Variants in XPR1 observed in about 807,000 individuals in gnomAD.
The protein encoded by XPR1 is xenotropic and polytropic retrovirus receptor 1, also known as solute carrier family 53 member 1.
In XPR1, 28 loss-of-function variants were observed where a neutral mutation model predicts 87.5. The ratio of observed to expected loss-of-function variants is 0.32; its 90% CI spans 0.24 to 0.44. The LOEUF (loss-of-function observed/expected upper bound fraction) is 0.44, where lower values mean the gene tolerates loss of function less well. Ranked by LOEUF, XPR1 falls within the 20% of genes least tolerant of loss-of-function variation. XPR1 has a pLI of 1.00. For synonymous variants in XPR1, 300 were observed against 306.1 expected (o/e 0.98, Z 0.21); for missense variants, 559 against 862.3 (o/e 0.65, Z 4.41).
intron 1 of XPR1, among the ~76,000 whole-genome samples, chr1:180,673,221 C>G (rs6662212): frequency 5.1e-4 from 77 of 152,020 alleles, no homozygotes; most frequent in African/African-American, 1.7e-3. Context: ...TAAAAATGAA[C>G]AACATGAGAA....
intron 12 of XPR1, among the ~76,000 whole-genome samples, chr1:180,866,049 AAAATG>A (rs771575124): frequency 3.9e-5 from 6 of 151,956 alleles, no homozygotes; most frequent in Non-Finnish European, 5.9e-5. Flanking sequence ...CTACTAAAAT[AAAATG>A]AAATAAAAAT....
intron 3 of XPR1, among the ~76,000 whole-genome samples, chr1:180,789,442 C>T (rs1353441599): frequency 6.6e-6 from 1 of 152,122 alleles, no homozygotes; most frequent in African/African-American, 2.4e-5. Context: ...ATGACCATGT[C>T]TCCTAGCCTT....
chr1:180,876,291 AAAGGGTAATAC>A (rs1201042031), intron 13 of XPR1, among the ~76,000 whole-genome samples: 1 of 152,216 alleles, frequency 6.6e-6, no homozygotes, highest in African/African-American at 2.4e-5. Context: ...CAATATATAA[AAAGGGTAATAC>A]AAGTTAGGTT....
chr1:180,853,458 A>G (rs968462267), intron 11 of XPR1, among the ~76,000 whole-genome samples: 66 of 152,212 alleles, frequency 4.3e-4, no homozygotes, highest in African/African-American at 1.6e-3. Flanking sequence ...CATTTTTATC[A>G]TAGCTGCTGT....
intron 11 of XPR1, among the ~76,000 whole-genome samples, chr1:180,858,898 C>A (rs761017335): frequency 2.0e-5 from 3 of 152,098 alleles, no homozygotes; most frequent in Non-Finnish European, 4.4e-5. Flanking sequence ...TTTTGGAGGA[C>A]AGTATTAATC....
At chr1:180,692,886 G>A (rs1338462128) in intron 2 of XPR1, among the ~76,000 whole-genome samples, 2 of 152,048 alleles carry the variant, frequency 1.3e-5, no homozygotes, top group Admixed American at 6.6e-5. Context: ...TTATAAACAC[G>A]GGTTTATAAT....
intron 1 of XPR1, among the ~76,000 whole-genome samples, chr1:180,656,449 T>TTATACATTA (rs1655492092): frequency 1.6e-4 from 3 of 18,718 alleles, no homozygotes; most frequent in Admixed American, 1.7e-3. Flanking sequence ...ATATAAATAT[T>TTATACATTA]TATATATTTA....
chr1:180,704,152 A>C (rs758573166), intron 2 of XPR1, among the ~76,000 whole-genome samples: 26 of 148,644 alleles, frequency 1.7e-4, no homozygotes, highest in Non-Finnish European at 7.4e-5. Flanking sequence ...CTCTTTATTT[A>C]CAGTAAATTT....
chr1:180,710,802 C>A (rs954856607), intron 2 of XPR1, among the ~76,000 whole-genome samples: 1 of 148,166 alleles, frequency 6.7e-6, no homozygotes, highest in Non-Finnish European at 1.5e-5. Flanking sequence ...CCCCACCTCC[C>A]GGATGGGGCG....
At chr1:180,826,879 T>A (rs1488345149) in intron 9 of XPR1, among the ~76,000 whole-genome samples, 2 of 151,808 alleles carry the variant, frequency 1.3e-5, no homozygotes, top group African/African-American at 4.8e-5. Flanking sequence ...TAGAACCAGG[T>A]GCAGTGGCTC....
intron 11 of XPR1, among the ~76,000 whole-genome samples, chr1:180,843,597 G>T: frequency 6.6e-6 from 1 of 150,938 alleles, no homozygotes; most frequent in African/African-American, 2.4e-5. Context: ...TTTTTAAATG[G>T]TTTTATAATT....
At chr1:180,786,689 A>G (rs1288649732) in intron 2 of XPR1, among the ~76,000 whole-genome samples, 2 of 152,180 alleles carry the variant, frequency 1.3e-5, no homozygotes, top group Non-Finnish European at 1.5e-5. Flanking sequence ...TTTTTAAAAT[A>G]TCTGGATTTA....
rs929374309 is a variant in XPR1, at chr1:180,853,791, G to T, written c.1502-9917G>T. Among the ~76,000 whole-genome samples the T allele has an allele frequency of 5.9e-4, 65 of 109,384 alleles. 1 individual carries two copies. Among genetic ancestry groups the T allele is most frequent in the Non-Finnish European group, 5.3e-4 (29 of 54,834 alleles). The allele number at this position is 109,384 out of a possible 152,430, so 71.8% of individuals were successfully genotyped here. ...GCACAAATAATAGTGCATTCATGTGGTTTTTTTTTTTTTTTTTTTGTATTT... is the reference window on the plus strand; with the variant it reads ...GCACAAATAATAGTGCATTCATGTGTTTTTTTTTTTTTTTTTTTTGTATTT... On this transcript the variant is annotated intron_variant, in intron 11 of 14. Coordinates refer to ENST00000367590, the MANE Select transcript of XPR1 (RefSeq NM_004736.4).
chr1:180,729,126 A>T (rs960310092), intron 2 of XPR1, among the ~76,000 whole-genome samples: 19 of 152,316 alleles, frequency 1.2e-4, no homozygotes, highest in Admixed American at 5.2e-4. Context: ...TTTGCTTAGG[A>T]TAATGGCCTC....
At chr1:180,756,299 G>A (rs567219945) in intron 2 of XPR1, among the ~76,000 whole-genome samples, 1 of 152,190 alleles carries the variant, frequency 6.6e-6, no homozygotes, top group African/African-American at 2.4e-5. Context: ...TGCCACACTT[G>A]TCATTTTCTA....
intron 2 of XPR1, among the ~76,000 whole-genome samples, chr1:180,687,346 A>T (rs1656819365): frequency 6.6e-6 from 1 of 152,178 alleles, no homozygotes; most frequent in Non-Finnish European, 1.5e-5. Flanking sequence ...AAATATTTAT[A>T]GTTAAGAGCC....
At chr1:180,738,956 A>G (rs988353367) in intron 2 of XPR1, among the ~76,000 whole-genome samples, 31 of 151,954 alleles carry the variant, frequency 2.0e-4, no homozygotes, top group African/African-American at 5.6e-4. Flanking sequence ...TGTCTAACCT[A>G]TGGTCACAAA....
intron 11 of XPR1, among the ~76,000 whole-genome samples, chr1:180,840,684 A>T (rs1651478094): frequency 6.6e-6 from 1 of 151,058 alleles, no homozygotes; most frequent in African/African-American, 2.4e-5. Flanking sequence ...TATCTTAATC[A>T]TATTGCTAAA....
At chr1:180,855,679 T>G (rs912963654) in intron 11 of XPR1, among the ~76,000 whole-genome samples, 118 of 140,838 alleles carry the variant, frequency 8.4e-4, no homozygotes, top group Middle Eastern at 3.7e-3. Context: ...AAAAAAAAAG[T>G]GGGGGGAGGG....
Sources: allele counts gnomAD v4.1 joint callset (sites outside exome capture counted in the v4.1 genomes callset), GRCh38; gene constraint gnomAD v4.1.1; transcripts MANE v1.5; gene names NCBI Gene and HGNC (gene_info 2026-07-23, HGNC 2026-07-21).